NUF2: variants seen among roughly 807,000 people sequenced by gnomAD.
NUF2 encodes kinetochore protein Nuf2.
A neutral mutation model predicts 61.8 loss-of-function variants in NUF2; 34 were observed. That is an observed-to-expected ratio of 0.55 (90% CI 0.42 to 0.73). The LOEUF (loss-of-function observed/expected upper bound fraction) is 0.73, where lower values mean the gene tolerates loss of function less well. Among genes scored for constraint, NUF2 ranks in the 30% least tolerant of loss-of-function variants. NUF2 has a pLI of 0.00. For synonymous variants in NUF2, 172 were observed against 181.6 expected (o/e 0.95, Z 0.42); for missense variants, 445 against 539.1 (o/e 0.83, Z 1.73).
chr1:163,345,688 T>C lies in NUF2; in HGVS notation c.818T>C (p.Val273Ala). The part of the protein sequence containing the change: ...QKLKNARQEV[V>A]EKYEIYGDSV... ...TTTTGTCTTTCAAAGCAAGAAGTGG[T>C]GGAGAAATATGAAATCTATGGAGAC... The change falls in exon 11 of 14, where the codon GTG becomes GCG. Residue 273 changes from valine to alanine, a missense_variant. Val to Ala is a moderately conservative substitution (Grantham distance 64). Transcript: ENST00000271452. 1 of 1,610,662 alleles carries C rather than the reference T, an allele frequency of 6.2e-7. No individual in the cohort carries two copies. The highest frequency in any genetic ancestry group is 2.2e-5 in the East Asian group (1 of 44,770).
chr1:163,335,461 T>C (rs532868497), intron 5 of NUF2, among the ~76,000 whole-genome samples: 1 of 152,328 alleles, frequency 6.6e-6, no homozygotes, highest in South Asian at 2.1e-4. Flanking sequence ...TTTCTCTCTA[T>C]ATAATGTGTT....
intron 3 of NUF2, 133 bp from the exon 4 acceptor site, chr1:163,328,095 C>A: frequency 1.9e-6 from 1 of 513,168 alleles, no homozygotes. Context: ...GAAAACTCTG[C>A]ATTTATACTA....
chr1:163,333,130 T>G (rs559240325), intron 5 of NUF2, among the ~76,000 whole-genome samples: 4 of 152,334 alleles, frequency 2.6e-5, no homozygotes, highest in Admixed American at 6.5e-5. Flanking sequence ...TTTTGTTTTA[T>G]GTACCTTGAA....
At position 163,355,557 on chromosome 1, in the gene NUF2, A is replaced by G; in HGVS notation, c.*88A>G. The G allele has an allele frequency of 3.4e-6, 4 of 1,163,680 alleles. No homozygotes were observed. In the Admixed American group the frequency reaches 7.8e-5, roughly 23 times the overall value. The allele number at this position is 1,163,680 out of a possible 1,614,324, so 72.1% of individuals were successfully genotyped here. A position where few individuals can be genotyped will look rare whatever the true frequency, so the allele number is the denominator to read the frequency against. On this transcript the variant is annotated 3_prime_UTR_variant, in exon 14 of 14. Coordinates refer to ENST00000271452, the MANE Select transcript of NUF2 (RefSeq NM_145697.3). ...AAAAGTTGAAGCGAATGGAAGTATC[A>G]GAAGTACCAAATAATGTTGGCTTCA...
chr1:163,337,275 C>T (rs1177719597), intron 6 of NUF2, among the ~76,000 whole-genome samples: 1 of 152,004 alleles, frequency 6.6e-6, no homozygotes, highest in Non-Finnish European at 1.5e-5. Context: ...ATCATGCTTG[C>T]CCAGATTCAG....
chr1:163,348,672 T>TATTG (rs887137348), intron 12 of NUF2, among the ~76,000 whole-genome samples: 18 of 152,128 alleles, frequency 1.2e-4, no homozygotes, highest in Admixed American at 5.2e-4. Context: ...TCATTTTAAA[T>TATTG]ATTGATTGAT....
chr1:163,331,246 A>G (rs1186477483), intron 5 of NUF2, among the ~76,000 whole-genome samples: 2 of 151,856 alleles, frequency 1.3e-5, no homozygotes, highest in South Asian at 4.1e-4. Context: ...GAAGGGTATT[A>G]AATGCCTTTT....
Position 163,339,393 on chromosome 1 carries a change from T to G in NUF2, c.522T>G (p.Val174=), listed in dbSNP as rs1650865677. ...TTGCTGTGTTAAGTTCTGTTCCAGT[T>G]GAAGAGCAAGAAGAGTTCAAGCAGC... ...MKLERLDSVP[V]EEQEEFKQLS... The change falls in exon 8 of 14, where the codon GTT becomes GTG. Residue 174 remains valine (V), a synonymous_variant. Transcript: ENST00000271452. The G allele has an allele frequency of 6.2e-7, 1 of 1,610,064 alleles. No homozygotes were observed. The highest frequency in any genetic ancestry group is 1.7e-4 in the Middle Eastern group (1 of 6,046).
At chr1:163,340,016 C>T (rs1509024) in intron 8 of NUF2, among the ~76,000 whole-genome samples, 19 of 151,934 alleles carry the variant, frequency 1.3e-4, no homozygotes, top group Admixed American at 3.3e-4. Flanking sequence ...TACGCTCCAA[C>T]GTACGTGAAT....
intron 3 of NUF2, 36 bp from the exon 4 acceptor site, chr1:163,328,192 A>G (rs377330338): frequency 1.4e-5 from 19 of 1,348,848 alleles, no homozygotes; most frequent in Non-Finnish European, 1.7e-5. Context: ...TGTCTAATCA[A>G]TGTGTAATGT....
intron 13 of NUF2, among the ~76,000 whole-genome samples, chr1:163,353,243 G>A (rs1228817688): frequency 2.4e-5 from 3 of 126,450 alleles, no homozygotes; most frequent in African/African-American, 5.6e-5. Flanking sequence ...CTTATACAAA[G>A]TACCCAATAA....
In NUF2 at chr1:163,345,789, AG is replaced by A; in HGVS notation, c.922del (p.Glu308LysfsTer3). 1 of 1,607,842 alleles carries A rather than the reference AG, an allele frequency of 6.2e-7. No homozygotes were observed. The highest frequency in any genetic ancestry group is 8.5e-7 in the Non-Finnish European group (1 of 1,175,744). On this transcript the variant is annotated frameshift_variant, in exon 11 of 14. Coordinates refer to ENST00000271452, the MANE Select transcript of NUF2 (RefSeq NM_145697.3). LOFTEE classifies it high-confidence loss of function. ...GAAAATACAGGACCTTTCAGATAAT[AG>A]GGAAAAATTAGCCAGTATCTTAAAG... ...QKKIQDLSDN[R>X]EKLASILKES...
At chr1:163,342,897 C>A (rs372439349) in intron 9 of NUF2, among the ~76,000 whole-genome samples, 2 of 152,110 alleles carry the variant, frequency 1.3e-5, no homozygotes, top group Non-Finnish European at 1.5e-5. Context: ...ATATGTTGAT[C>A]TGTGAATTGG....
At chr1:163,352,102 T>C (rs1406879952) in intron 13 of NUF2, among the ~76,000 whole-genome samples, 2 of 152,224 alleles carry the variant, frequency 1.3e-5, no homozygotes, top group African/African-American at 2.4e-5. Context: ...TATTTCTCAA[T>C]TGCATCATCA....
At chr1:163,343,968 T>C in intron 10 of NUF2, 98 bp downstream of exon 10, 2 of 653,116 alleles carry the variant, frequency 3.1e-6, no homozygotes, top group South Asian at 1.0e-4. Context: ...CTGAATTATC[T>C]ATACTTCTCT....
intron 5 of NUF2, among the ~76,000 whole-genome samples, chr1:163,335,403 T>C (rs1305874403): frequency 6.6e-6 from 1 of 152,196 alleles, no homozygotes; most frequent in Admixed American, 6.5e-5. Context: ...CATTGTCTTC[T>C]GGCTTACATT....
Position 163,327,499 on chromosome 1 carries a change from G to A in NUF2, c.135G>A (p.Leu45=). The change falls in exon 3 of 14, where the codon TTG becomes TTA. Residue 45 remains leucine (L), a synonymous_variant. Coordinates refer to ENST00000271452, the MANE Select transcript of NUF2 (RefSeq NM_145697.3). ...GTTTTTTGCTGTAGCCTGAAGTCTT[G>A]CACATGATCTACATGAGAGCCTTAC... ...DLYPNPKPEV[L]HMIYMRALQI... is the part of the protein sequence containing the mutation. The A allele has an allele frequency of 6.2e-7, 1 of 1,608,988 alleles. No homozygotes were observed. The highest frequency in any genetic ancestry group is 8.5e-7 in the Non-Finnish European group (1 of 1,175,706).
Position 163,347,880 on chromosome 1 carries a change from C to G in NUF2, c.1066C>G (p.Gln356Glu). ...GAAGAAGGAAAAACTTGCCACAGCACAATTCAAAATAAATAAGAAGCATGA... is the reference window on the plus strand; with the variant it reads ...GAAGAAGGAAAAACTTGCCACAGCAGAATTCAAAATAAATAAGAAGCATGA... ...IVKKEKLATA[Q>E]FKINKKHEDV... Residue 356 changes from glutamine to glutamate, a missense_variant, in exon 12 of 14, where the codon CAA becomes GAA. Transcript: ENST00000271452. The G allele has an allele frequency of 6.2e-7, 1 of 1,609,318 alleles. No individual in the cohort carries two copies.
chr1:163,346,922 AACAGCAC>A (rs1392133059), intron 11 of NUF2, among the ~76,000 whole-genome samples: 1 of 152,174 alleles, frequency 6.6e-6, no homozygotes, highest in African/African-American at 2.4e-5. Context: ...CACTACTTAG[AACAGCAC>A]ACAATTTAAA....
Sources: allele counts gnomAD v4.1 joint callset (sites outside exome capture counted in the v4.1 genomes callset), GRCh38; gene constraint gnomAD v4.1.1; transcripts MANE v1.5; gene names NCBI Gene and HGNC (gene_info 2026-07-23, HGNC 2026-07-21).